GPHN: variants seen among roughly 807,000 people sequenced by gnomAD.
GPHN encodes gephyrin.
GPHN carries 17 observed loss-of-function variants against 95.5 expected under a neutral mutation model. The observed-to-expected ratio is 0.18, with a 90% CI of 0.12 to 0.27. The LOEUF is 0.27. GPHN is among the 10% of genes least tolerant of loss of function. The pLI is 1.00. For synonymous variants in GPHN, 320 were observed against 322.5 expected, an observed-to-expected ratio of 0.99 and a Z score of 0.08; for missense variants, 660 against 978.1, an observed-to-expected ratio of 0.67 and a Z score of 4.34.
intron 2 of GPHN, among the ~76,000 whole-genome samples, chr14:66,769,477 G>A (rs551532588): frequency 1.9e-4 from 29 of 151,786 alleles, no homozygotes; most frequent in South Asian, 1.5e-3. Flanking sequence ...CCCTCCTCCC[G>A]TCTTCCACCC....
At chr14:66,753,458 C>A (rs549975736) in intron 2 of GPHN, among the ~76,000 whole-genome samples, 1 of 151,740 alleles carries the variant, frequency 6.6e-6, no homozygotes, top group Non-Finnish European at 1.5e-5. Flanking sequence ...TTTTAAGCCC[C>A]TGAGTTTTAG....
chr14:67,697,860 G>GAGTATATATAC, the GPHN span, among the ~76,000 whole-genome samples: 1 of 152,218 alleles, frequency 6.6e-6, no homozygotes, highest in Non-Finnish European at 1.5e-5. Flanking sequence ...TCCACACTCA[G>GAGTATATATAC]AGTTTATATA....
chr14:66,630,160 G>C (rs1297999106), intron 1 of GPHN, among the ~76,000 whole-genome samples: 1 of 152,268 alleles, frequency 6.6e-6, no homozygotes, highest in African/African-American at 2.4e-5. Context: ...AGAGAAGAAA[G>C]GGATAAGATA....
chr14:67,057,410 G>GGA (rs778602506), intron 10 of GPHN, among the ~76,000 whole-genome samples: 1 of 148,392 alleles, frequency 6.7e-6, no homozygotes, highest in Admixed American at 6.7e-5. Context: ...GGGCACATGG[G>GGA]TGGGGGGGGC....
the GPHN span, chr14:67,651,058 T>C: frequency 1.8e-6 from 2 of 1,090,658 alleles, no homozygotes; most frequent in Non-Finnish European, 1.3e-6. Flanking sequence ...AATTGTAAAG[T>C]TTCCCCTCTA....
intron 1 of GPHN, among the ~76,000 whole-genome samples, chr14:66,560,153 T>G (rs2060174266): frequency 6.6e-6 from 1 of 152,146 alleles, no homozygotes; most frequent in African/African-American, 2.4e-5. Flanking sequence ...CCTTGTAGTA[T>G]AGTTTGAAGT....
the GPHN span, among the ~76,000 whole-genome samples, chr14:67,685,423 T>C: frequency 6.6e-6 from 1 of 152,182 alleles, no homozygotes; most frequent in Non-Finnish European, 1.5e-5. Flanking sequence ...TATTTCTGAC[T>C]GGAAACTCAA....
chr14:66,660,958 C>T (rs1233778878), intron 1 of GPHN, among the ~76,000 whole-genome samples: 4 of 152,178 alleles, frequency 2.6e-5, no homozygotes, highest in Non-Finnish European at 5.9e-5. Context: ...GAATCCATTC[C>T]ACCAGGGCCT....
chr14:67,710,081 T>G, the GPHN span, among the ~76,000 whole-genome samples: 9 of 152,224 alleles, frequency 5.9e-5, no homozygotes, highest in Non-Finnish European at 1.5e-5. Context: ...TGTTTTAAGT[T>G]GTTCCACCTT....
the GPHN span, among the ~76,000 whole-genome samples, chr14:67,538,761 C>T: frequency 6.6e-6 from 1 of 152,098 alleles, no homozygotes; most frequent in Non-Finnish European, 1.5e-5. Flanking sequence ...GGTGGTTAAT[C>T]CTCTCCATCC....
At chr14:67,630,194 T>C in the GPHN span, among the ~76,000 whole-genome samples, 2 of 152,202 alleles carry the variant, frequency 1.3e-5, no homozygotes, top group Non-Finnish European at 2.9e-5. Context: ...GCAAAAGTAA[T>C]TGCGGTTTTT....
At chr14:67,145,836 T>C (rs1300037302) in intron 18 of GPHN, among the ~76,000 whole-genome samples, 3 of 152,190 alleles carry the variant, frequency 2.0e-5, no homozygotes, top group Non-Finnish European at 4.4e-5. Flanking sequence ...GAACCTCAGG[T>C]ATGCAAGAAA....
the GPHN span, chr14:67,272,173 T>C: frequency 6.6e-6 from 1 of 152,224 alleles, no homozygotes; most frequent in African/African-American, 2.4e-5. Flanking sequence ...TTGATGATTC[T>C]CTTATTCTAT....
the GPHN span, among the ~76,000 whole-genome samples, chr14:67,280,614 G>A: frequency 6.6e-6 from 1 of 152,124 alleles, no homozygotes; most frequent in African/African-American, 2.4e-5. Flanking sequence ...GCCAGATCAG[G>A]TGTTGATGTA....
At chr14:66,781,232 T>G (rs2059592774) in intron 3 of GPHN, among the ~76,000 whole-genome samples, 1 of 151,846 alleles carries the variant, frequency 6.6e-6, no homozygotes. Context: ...TCTTTTTTTT[T>G]TTTTTTGATA....
intron 3 of GPHN, among the ~76,000 whole-genome samples, chr14:66,781,759 T>C (rs750326837): frequency 2.0e-5 from 3 of 152,204 alleles, no homozygotes; most frequent in African/African-American, 4.8e-5. Flanking sequence ...GTACCACAGA[T>C]CACTGAGACA....
chr14:67,087,903 C>T (rs1332136562), intron 11 of GPHN, among the ~76,000 whole-genome samples: 1 of 151,614 alleles, frequency 6.6e-6, no homozygotes, highest in African/African-American at 2.4e-5. Context: ...TTTTGCTTTC[C>T]TTTTTTTAAA....
chr14:67,571,677 G>A, the GPHN span: 1 of 1,493,386 alleles, frequency 6.7e-7, no homozygotes. Flanking sequence ...ACTTGGACCA[G>A]GAGTGCAAGC....
chr14:66,704,105 A>T (rs2068834368), intron 2 of GPHN, among the ~76,000 whole-genome samples: 1 of 152,204 alleles, frequency 6.6e-6, no homozygotes, highest in South Asian at 2.1e-4. Context: ...GGACCAATTC[A>T]ACAAGAAGAG....
Sources: gnomAD v4.1 joint callset for allele counts (sites outside exome capture counted in the v4.1 genomes callset) on GRCh38, gnomAD v4.1.1 for gene constraint, MANE v1.5 for transcripts, NCBI Gene and HGNC (gene_info 2026-07-23, HGNC 2026-07-21) for gene names.